CHST12: variants seen among roughly 807,000 people sequenced by gnomAD.
CHST12 encodes the protein carbohydrate sulfotransferase 12.
CHST12 carries 23 observed loss-of-function variants against 27.9 expected under a neutral mutation model. The observed-to-expected ratio is 0.82, with a 90% confidence interval of 0.59 to 1.17. CHST12 has a LOEUF of 1.17. Ranked by LOEUF, CHST12 falls within the 50% of genes most tolerant of loss-of-function variation. The pLI is 0.00. For synonymous variants in CHST12, 322 were observed against 273.0 expected (o/e 1.18, Z -1.77); for missense variants, 682 against 603.0 (o/e 1.13, Z -1.37).
At chr7:2,403,461 G>C (rs1263947043), upstream of CHST12, 1 of 151,754 alleles carries the variant, frequency 6.6e-6, no homozygotes, top group Non-Finnish European at 1.5e-5. Flanking sequence ...GGGGCGGGCG[G>C]GCTGGCCGGG....
Position 2,433,296 on chromosome 7 carries a change from C to A in CHST12, c.657C>A (p.Phe219Leu). ...GCGCGCACCTGACCTTCAACAAGTT[C>A]TGGCGCCGCTACGGGAAGCTCTCCC... is the stretch of plus-strand genomic sequence containing the variant. ...NASAHLTFNK[F>L]WRRYGKLSRH... is the part of the protein sequence containing the mutation. Residue 219 changes from phenylalanine to leucine, a missense_variant, in exon 2 of 2, where the codon TTC (phenylalanine) becomes TTA (leucine). By Grantham distance (22) the Phe-to-Leu change is conservative (BLOSUM62 0). Coordinates refer to ENST00000618655, the MANE Select transcript of CHST12 (RefSeq NM_018641.5). The surrounding 1 kb of genome is among the most constrained non-coding windows in gnomAD (Gnocchi z 6.1). The A allele has an allele frequency of 6.2e-7, 1 of 1,612,430 alleles. No homozygotes were observed. The highest frequency in any genetic ancestry group is 8.5e-7 in the Non-Finnish European group (1 of 1,179,204).
intron 1 of CHST12, among the ~76,000 whole-genome samples, chr7:2,411,706 T>C (rs113210395): frequency 3.7e-4 from 56 of 152,208 alleles, no homozygotes; most frequent in African/African-American, 1.4e-3. Flanking sequence ...CAGGCTGGTC[T>C]CCTGACCTCA....
intron 1 of CHST12, among the ~76,000 whole-genome samples, chr7:2,429,438 C>G (rs568547328): frequency 7.0e-4 from 106 of 152,164 alleles, no homozygotes; most frequent in Non-Finnish European, 1.3e-3. Flanking sequence ...GACATGTCCT[C>G]TCTTCTCCTT....
chr7:2,418,892 G>A (rs1004767379), intron 1 of CHST12, among the ~76,000 whole-genome samples: 4 of 152,168 alleles, frequency 2.6e-5, no homozygotes, highest in Non-Finnish European at 5.9e-5. Context: ...GACCTCCTGG[G>A]TTCAAGCCAT....
At chr7:2,432,441 A>C in intron 1 of CHST12, 122 bp from the exon 2 acceptor site, 2 of 621,872 alleles carry the variant, frequency 3.2e-6, no homozygotes, top group South Asian at 4.1e-5. Context: ...CTGGAGGGCG[A>C]GCTGATATCA....
In CHST12 at chr7:2,447,009, A is replaced by G. The variant is rs1782772913; in HGVS notation, c.*13125A>G. Reference sequence around the variant, plus strand: ...CTGGGGTCCTGGAGGCTTCTGGCCCATGGGGAGCCCCTGGGTCCCAGCGAT... The same window carrying G: ...CTGGGGTCCTGGAGGCTTCTGGCCCGTGGGGAGCCCCTGGGTCCCAGCGAT... On this transcript the variant is annotated 3_prime_UTR_variant, in exon 2 of 2. Transcript: ENST00000618655. 6.6e-6 allele frequency: 1 copy of G among 152,284 alleles called. No homozygotes were observed. The allele number at this position is 152,284 out of a possible 1,614,324, so 9.4% of individuals were successfully genotyped here.
At chr7:2,428,031 C>T (rs932240489) in intron 1 of CHST12, among the ~76,000 whole-genome samples, 1 of 151,892 alleles carries the variant, frequency 6.6e-6, no homozygotes, top group Non-Finnish European at 1.5e-5. Flanking sequence ...TTTGGATCTC[C>T]TGACCTCGTG....
At chr7:2,416,425 A>G (rs1362623503) in intron 1 of CHST12, among the ~76,000 whole-genome samples, 2 of 152,208 alleles carry the variant, frequency 1.3e-5, no homozygotes, top group Non-Finnish European at 2.9e-5. Context: ...TCTTAAAGGC[A>G]TTAGAATGGT....
chr7:2,404,013 C>A, intron 1 of CHST12: 1 of 152,524 alleles, frequency 6.6e-6, no homozygotes, highest in Non-Finnish European at 1.5e-5. Flanking sequence ...CTGCAGCGGC[C>A]CCGCCGGCCC....
At chr7:2,419,566 G>A (rs1781909855) in intron 1 of CHST12, among the ~76,000 whole-genome samples, 1 of 151,996 alleles carries the variant, frequency 6.6e-6, no homozygotes, top group African/African-American at 2.4e-5. Context: ...AATTAGCCAG[G>A]CATGGTGGTG....
At chr7:2,421,492 G>C (rs1264684921) in intron 1 of CHST12, among the ~76,000 whole-genome samples, 22 of 149,042 alleles carry the variant, frequency 1.5e-4, no homozygotes, top group African/African-American at 5.5e-4. Flanking sequence ...GCTAGAGTGC[G>C]GTGACGCGAT....
Position 2,432,745 on chromosome 7 carries a change from T to G in CHST12, c.106T>G (p.Leu36Val), listed in dbSNP as rs1247584609. ...CAGCGCAGGCGCCGCGCACTTCTAC[T>G]TGCACACGTCCTTCTCTAGGCCGCA... ...WDSAGAAHFY[L>V]HTSFSRPHTG... The change falls in exon 2 of 2, where the codon TTG (leucine) becomes GTG (valine). Residue 36 changes from leucine to valine, a missense_variant. By Grantham distance (32) the Leu-to-Val change is conservative (BLOSUM62 1). Transcript: ENST00000618655. 6.2e-7 allele frequency: 1 copy of G among 1,613,864 alleles called. No individual in the cohort carries two copies. Among genetic ancestry groups the G allele is most frequent in the Non-Finnish European group, 8.5e-7 (1 of 1,179,824 alleles).
rs143942839 is a variant in CHST12 at position 2,432,774 on chromosome 7, G to A, written c.135G>A (p.Thr45=). Residue 45 remains threonine (T), a synonymous_variant, in exon 2 of 2, where the codon ACG becomes ACA. Coordinates refer to ENST00000618655, the MANE Select transcript of CHST12 (RefSeq NM_018641.5). Reference sequence around the variant, plus strand: ...ACACGTCCTTCTCTAGGCCGCACACGGGGCCGCCGCTGCCCACGCCCGGGC... The same window carrying A: ...ACACGTCCTTCTCTAGGCCGCACACAGGGCCGCCGCTGCCCACGCCCGGGC... ...YLHTSFSRPH[T]GPPLPTPGPD... The A allele has an allele frequency of 2.1e-4, 341 of 1,613,688 alleles. No individual in the cohort carries two copies. The African/African-American group carries it at 4.3e-3, about 20-fold the overall frequency.
chr7:2,432,828 C>T lies in CHST12; in HGVS notation c.189C>T (p.Asp63=). The T allele has an allele frequency of 1.2e-6, 2 of 1,613,908 alleles. No individual in the cohort carries two copies. The highest frequency in any genetic ancestry group is 1.7e-6 in the Non-Finnish European group (2 of 1,179,902). The change falls in exon 2 of 2, where the codon GAC becomes GAT. Residue 63 remains aspartate (D), a synonymous_variant. Coordinates refer to ENST00000618655, the MANE Select transcript of CHST12 (RefSeq NM_018641.5). ...ACAGGGACAGGGAGCTCACGGCCGA[C>T]TCCGATGTCGACGAGTTTCTGGACA... ...GPDRDRELTA[D]SDVDEFLDKF... is the part of the protein sequence containing the mutation.
chr7:2,417,360 G>A (rs1483905050), intron 1 of CHST12, among the ~76,000 whole-genome samples: 1 of 149,808 alleles, frequency 6.7e-6, no homozygotes, highest in Non-Finnish European at 1.5e-5. Context: ...GAGTAGCTGG[G>A]TTACAGGTGT....
At chr7:2,429,531 G>A (rs188625515) in intron 1 of CHST12, among the ~76,000 whole-genome samples, 2 of 152,290 alleles carry the variant, frequency 1.3e-5, no homozygotes, top group Admixed American at 1.3e-4. Flanking sequence ...TGGGCCCAGA[G>A]ATTTCTTTTT....
Position 2,406,981 on chromosome 7 carries a change from TA to T in CHST12, c.-78+3316del, listed in dbSNP as rs760882299. On this transcript the variant is annotated intron_variant, in intron 1 of 1. Coordinates refer to ENST00000618655, the MANE Select transcript of CHST12 (RefSeq NM_018641.5). ...AACATGAGGCAAGAACAGGAAGCTC[TA>T]AAAAAAAGCCACCAAAAGGAGTATT... Among the ~76,000 whole-genome samples the T allele has an allele frequency of 1.6e-4, 24 of 148,024 alleles. 1 individual carries two copies. The East Asian group carries it at 2.0e-3, about 12-fold the overall frequency.
Position 2,432,755 on chromosome 7 carries a change from C to A in CHST12, c.116C>A (p.Ser39Tyr). 6.2e-7 allele frequency: 1 copy of A among 1,613,904 alleles called. No individual in the cohort carries two copies. The highest frequency in any genetic ancestry group is 8.5e-7 in the Non-Finnish European group (1 of 1,179,844). ...AGAAHFYLHT[S>Y]FSRPHTGPPL... Reference sequence around the variant, plus strand: ...GCCGCGCACTTCTACTTGCACACGTCCTTCTCTAGGCCGCACACGGGGCCG... The same window carrying A: ...GCCGCGCACTTCTACTTGCACACGTACTTCTCTAGGCCGCACACGGGGCCG... Residue 39 changes from serine (S) to tyrosine (Y), a missense_variant, in exon 2 of 2, where the codon TCC becomes TAC. Physicochemically the swap from Ser to Tyr is moderately radical, Grantham distance 144. Transcript: ENST00000618655.
At chr7:2,415,033 AG>A (rs1781768460) in intron 1 of CHST12, among the ~76,000 whole-genome samples, 1 of 152,226 alleles carries the variant, frequency 6.6e-6, no homozygotes, top group Non-Finnish European at 1.5e-5. Flanking sequence ...ATCGCAATAA[AG>A]AGAGTCAACA....
Sources: gnomAD v4.1 joint callset for allele counts (sites outside exome capture counted in the v4.1 genomes callset) on GRCh38, gnomAD v4.1.1 for gene constraint, Gnocchi (gnomAD v3.1) non-coding constraint, MANE v1.5 for transcripts, NCBI Gene and HGNC (gene_info 2026-07-23, HGNC 2026-07-21) for gene names.